ATRN: variants seen among roughly 807,000 people sequenced by gnomAD.
ATRN encodes attractin.
A neutral mutation model predicts 178.7 loss-of-function variants in ATRN; 54 were observed. That is an observed-to-expected ratio of 0.30 (90% CI 0.24 to 0.38). The LOEUF (loss-of-function observed/expected upper bound fraction) is 0.38, where lower values mean the gene tolerates loss of function less well. Among genes scored for constraint, ATRN ranks in the 10% least tolerant of loss-of-function variants. The probability of loss-of-function intolerance (pLI) is 1.00; values close to 1 mark genes in which losing one functional copy is unlikely to be tolerated. For synonymous variants in ATRN, 636 were observed against 663.0 expected (o/e 0.96, Z 0.63); for missense variants, 1,443 against 1,815.1 (o/e 0.79, Z 3.73).
At position 3,615,379 on chromosome 20, in the gene ATRN, A is replaced by G. The variant is rs575274411; in HGVS notation, c.3802-9132A>G. ...AGGAGGCAGATGTTGCAGCGAGCCA[A>G]GATTGCACCACTGTACTGCAGCCTG... is the stretch of plus-strand genomic sequence containing the variant. On this transcript the variant is annotated intron_variant, in intron 24 of 28. Transcript: ENST00000262919. 9.3e-5 allele frequency among the ~76,000 whole-genome samples: 14 copies of G among 150,580 alleles called. No homozygotes were observed. The East Asian group carries it at 2.8e-3, about 30-fold the overall frequency.
intron 3 of ATRN, among the ~76,000 whole-genome samples, chr20:3,544,945 A>C (rs981035660): frequency 2.0e-5 from 3 of 152,090 alleles, no homozygotes; most frequent in Admixed American, 1.3e-4. Context: ...AAATGCGTTA[A>C]GTTTTATTTG....
In ATRN at chr20:3,545,880, A is replaced by G. The variant is rs1277229261; in HGVS notation, c.727A>G (p.Ile243Val). ...TGCTTATAATTTGACTGGATTTAAT[A>G]TTACTTACAGGTAAGATACTTAAGT... ...DAAYNLTGFN[I>V]TYSFDMCPNN... The change falls in exon 4 of 29, where the codon ATT becomes GTT. Residue 243 changes from isoleucine (I) to valine (V), a missense_variant. Ile to Val is a conservative substitution (Grantham distance 29). This residue lies in a region of ATRN where 862 missense variants were observed against 972.1 expected (regional missense o/e 0.89). Coordinates refer to ENST00000262919, the MANE Select transcript of ATRN (RefSeq NM_139321.3). The G allele has an allele frequency of 5.0e-6, 8 of 1,613,600 alleles. No individual in the cohort carries two copies. The highest frequency in any genetic ancestry group is 6.8e-6 in the Non-Finnish European group (8 of 1,179,752).
At chr20:3,515,141 G>C (rs1465626131) in intron 1 of ATRN, among the ~76,000 whole-genome samples, 2 of 152,264 alleles carry the variant, frequency 1.3e-5, no homozygotes, top group Admixed American at 1.3e-4. Flanking sequence ...TAAAACAGCT[G>C]CAGTAAGGCA....
intron 1 of ATRN, among the ~76,000 whole-genome samples, chr20:3,531,643 A>G (rs1181158949): frequency 6.6e-6 from 1 of 152,250 alleles, no homozygotes; most frequent in Non-Finnish European, 1.5e-5. Flanking sequence ...GCAGAAAAGT[A>G]TATAATAATT....
In ATRN at chr20:3,604,052, C is replaced by T. The variant is rs11697976; in HGVS notation, c.3644-53C>T. 5.8e-3 allele frequency: 8,574 copies of T among 1,478,048 alleles called. 32 individuals carry two copies. Among genetic ancestry groups the T allele is most frequent in the Non-Finnish European group, 6.8e-3 (7,549 of 1,103,808 alleles). The allele number at this position is 1,478,048 out of a possible 1,614,324, so 91.6% of individuals were successfully genotyped here. ...TATTAATGAGGCCAGATTCTGTTCT[C>T]CCCCTAGCCCCCCAAAAAATGTCTC... On this transcript the variant is annotated intron_variant, in intron 23 of 28. Transcript: ENST00000262919.
rs943415206 is a variant in ATRN, at chr20:3,521,136, A to G, written c.411-14117A>G. ...GGAGGCGGGGTTGGGTTGAAAAACT[A>G]CCTATTAGGTACTATGCGTACACAC... is the stretch of plus-strand genomic sequence containing the variant. On this transcript the variant is annotated intron_variant, in intron 1 of 28. Transcript: ENST00000262919. Among the ~76,000 whole-genome samples the G allele has an allele frequency of 2.0e-5, 3 of 152,260 alleles. No individual in the cohort carries two copies. The East Asian group carries it at 5.8e-4, about 29-fold the overall frequency.
intron 24 of ATRN, among the ~76,000 whole-genome samples, chr20:3,606,559 C>T (rs1174141636): frequency 3.3e-5 from 5 of 152,204 alleles, no homozygotes; most frequent in South Asian, 2.1e-4. Flanking sequence ...AAGCTCCCTG[C>T]GTTCGGTGCA....
At chr20:3,590,930 A>C (rs1295571719) in intron 18 of ATRN, among the ~76,000 whole-genome samples, 1 of 152,184 alleles carries the variant, frequency 6.6e-6, no homozygotes, top group East Asian at 1.9e-4. Flanking sequence ...ATAACAACAA[A>C]AAATATTTTT....
In ATRN at chr20:3,509,566, C is replaced by T. The variant is rs57010809; in HGVS notation, c.411-25687C>T. 2.0e-3 allele frequency among the ~76,000 whole-genome samples: 303 copies of T among 148,602 alleles called. 3 individuals carry two copies. Among genetic ancestry groups the T allele is most frequent in the African/African-American group, 6.8e-3 (272 of 40,120 alleles). On this transcript the variant is annotated intron_variant, in intron 1 of 28. Transcript: ENST00000262919. The stretch of plus-strand genomic sequence containing the variant: ...AGGCTGGAGTGCAGTGGTGTGATCT[C>T]GGCTCACTGCAACCTCCAGCCCCTA...
At chr20:3,504,529 A>C (rs2085010165) in intron 1 of ATRN, among the ~76,000 whole-genome samples, 1 of 150,660 alleles carries the variant, frequency 6.6e-6, no homozygotes, top group East Asian at 1.9e-4. Context: ...AAAAAAAAAA[A>C]AAAAAATTAG....
intron 12 of ATRN, 73 bp from the exon 13 acceptor site, chr20:3,575,754 T>G: frequency 6.6e-7 from 1 of 1,507,098 alleles, no homozygotes; most frequent in Non-Finnish European, 8.9e-7. Flanking sequence ...GTTACGATTT[T>G]TTTTTTAACT....
intron 21 of ATRN, among the ~76,000 whole-genome samples, chr20:3,596,636 T>TA (rs1217555891): frequency 6.6e-6 from 1 of 152,236 alleles, no homozygotes; most frequent in Non-Finnish European, 1.5e-5. Context: ...GGGTTAACGT[T>TA]AATGTGTCCA....
In ATRN at chr20:3,636,791, C is replaced by G. The variant is rs534115336; in HGVS notation, c.3943-2037C>G. 1.7e-4 allele frequency among the ~76,000 whole-genome samples: 26 copies of G among 152,320 alleles called. No homozygotes were observed. In the South Asian group the frequency reaches 5.0e-3, roughly 29 times the overall value. On this transcript the variant is annotated intron_variant, in intron 26 of 28. Coordinates refer to ENST00000262919, the MANE Select transcript of ATRN (RefSeq NM_139321.3). Reference sequence around the variant, plus strand: ...GGCTTTAACTAGGGACTTCTGTCTTCACAGCCCAAGTTCGTTATCTTCGTG... The same window carrying G: ...GGCTTTAACTAGGGACTTCTGTCTTGACAGCCCAAGTTCGTTATCTTCGTG...
At position 3,591,252 on chromosome 20, in the gene ATRN, G is replaced by A. The variant is rs761966458; in HGVS notation, c.3268G>A (p.Glu1090Lys). Residue 1090 changes from glutamate to lysine, a missense_variant, in exon 19 of 29, where the codon GAG (glutamate) becomes AAG (lysine). Around this residue, in one of 4 missense-constraint regions of ATRN, gnomAD observed 289 missense variants for 440.8 expected, o/e 0.66. Transcript: ENST00000262919. ...CENLTTGKHC[E>K]TCISGFYGDP... ...GAACCTGACCACAGGCAAGCACTGC[G>A]AGACCTGCATATCTGGCTTCTACGG... 7.4e-6 allele frequency: 12 copies of A among 1,614,066 alleles called. No homozygotes were observed. Among genetic ancestry groups the A allele is most frequent in the Non-Finnish European group, 9.3e-6 (11 of 1,180,012 alleles).
intron 7 of ATRN, among the ~76,000 whole-genome samples, chr20:3,559,765 G>A (rs1027387674): frequency 1.3e-5 from 2 of 151,562 alleles, no homozygotes; most frequent in Admixed American, 6.6e-5. Context: ...ATTCTCATAA[G>A]CAAGTTTAGC....
intron 3 of ATRN, among the ~76,000 whole-genome samples, chr20:3,543,262 A>G (rs1488342159): frequency 1.3e-5 from 2 of 152,242 alleles, no homozygotes; most frequent in African/African-American, 4.8e-5. Context: ...GAAGGCAGGG[A>G]CATAGTCTTA....
intron 1 of ATRN, among the ~76,000 whole-genome samples, chr20:3,474,148 A>G (rs1338719145): frequency 6.6e-6 from 1 of 152,152 alleles, no homozygotes; most frequent in African/African-American, 2.4e-5. Flanking sequence ...CCACATGGAA[A>G]GCCCAGAGGA....
intron 1 of ATRN, chr20:3,490,278 C>T (rs144747691): frequency 2.4e-5 from 30 of 1,248,856 alleles, no homozygotes; most frequent in Non-Finnish European, 3.2e-5. Context: ...GAGGAGAAGG[C>T]GGAGAGGTCA....
At chr20:3,500,284 C>T (rs2084939245) in intron 1 of ATRN, among the ~76,000 whole-genome samples, 1 of 152,162 alleles carries the variant, frequency 6.6e-6, no homozygotes, top group Admixed American at 6.5e-5. Flanking sequence ...GGTGATTCCT[C>T]AGGGATCTAG....
Sources: gnomAD v4.1 joint callset for allele counts (sites outside exome capture counted in the v4.1 genomes callset) on GRCh38, gnomAD v4.1.1 for gene constraint, gnomAD v4.1.1 regional missense constraint, MANE v1.5 for transcripts, NCBI Gene and HGNC (gene_info 2026-07-23, HGNC 2026-07-21) for gene names.